The following MYH13 variants were observed in gnomAD, a reference collection of about 807,000 sequenced individuals.
MYH13 encodes myosin-13.
Under a neutral mutation model 232.1 loss-of-function variants are expected in MYH13, and 177 were observed. That is an observed-to-expected ratio of 0.76 (90% CI 0.67 to 0.86). The LOEUF (loss-of-function observed/expected upper bound fraction) is 0.86. Among genes scored for constraint, MYH13 ranks in the 40% least tolerant of loss-of-function variants. The pLI is 0.00. For missense variants in MYH13, 2,246 were observed against 2,405.9 expected, an observed-to-expected ratio of 0.93 and a Z score of 1.39; for synonymous variants, 884 against 923.5, an observed-to-expected ratio of 0.96 and a Z score of 0.78.
intron 13 of MYH13, among the ~76,000 whole-genome samples, chr17:10,345,991 C>CAAAAAAAAAA (rs1211414796): frequency 7.2e-5 from 6 of 83,052 alleles, no homozygotes; most frequent in Non-Finnish European, 1.2e-4. Flanking sequence ...GACTCTGTCT[C>CAAAAAAAAAA]AAAAAAAAAA....
intron 16 of MYH13, among the ~76,000 whole-genome samples, chr17:10,343,046 C>T (rs2071630698): frequency 6.8e-6 from 1 of 146,522 alleles, no homozygotes; most frequent in Admixed American, 6.9e-5. Context: ...GCCGAGATTG[C>T]ACCACTGCAC....
Position 10,313,183 on chromosome 17 carries a change from G to C in MYH13, c.4156C>G (p.Arg1386Gly). 1 of 1,614,156 alleles carries C rather than the reference G, an allele frequency of 6.2e-7. No homozygotes were observed. ...RTKYETDAIQ[R>G]TEELEEAKKK... ...TTGGCCTCCTCCAGCTCCTCTGTGC[G>C]CTGAATGGCGTCCGTCTCGTATTTG... Residue 1386 changes from arginine (R) to glycine (G), a missense_variant, in exon 30 of 41, where the codon CGC (arginine) becomes GGC (glycine). Transcript: ENST00000252172.
chr17:10,342,708 T>C (rs1032404987), intron 16 of MYH13, among the ~76,000 whole-genome samples: 1 of 152,062 alleles, frequency 6.6e-6, no homozygotes, highest in African/African-American at 2.4e-5. Context: ...GAGCATCCAG[T>C]ATATAATTCC....
At chr17:10,340,484 C>T (rs1349893722) in intron 16 of MYH13, 83 bp from the exon 17 acceptor site, 29 of 1,039,454 alleles carry the variant, frequency 2.8e-5, no homozygotes, top group East Asian at 9.7e-5. Context: ...TTCCCAGCCC[C>T]GAGTTCTGGT....
rs1055743913 is a variant in MYH13 at position 10,346,269 on chromosome 17, A to C, written c.1263+411T>G. ...TTGAGTATCTCTCCTAAGAATTTGG[A>C]ATAGGGATCAAAAGACACTGGTCTC... is the stretch of plus-strand genomic sequence containing the variant. On this transcript the variant is annotated intron_variant, in intron 13 of 40. Coordinates refer to ENST00000252172, the MANE Select transcript of MYH13 (RefSeq NM_003802.3). Among the ~76,000 whole-genome samples the C allele has an allele frequency of 1.2e-4, 18 of 152,126 alleles. No homozygotes were observed. In the East Asian group the frequency reaches 3.3e-3, roughly 28 times the overall value.
intron 18 of MYH13, among the ~76,000 whole-genome samples, chr17:10,339,164 G>A (rs537501301): frequency 6.6e-6 from 1 of 152,148 alleles, no homozygotes; most frequent in African/African-American, 2.4e-5. Context: ...TGAGCTGGGA[G>A]GCCCGTGTTG....
At chr17:10,357,276 G>T (rs1157490757) in intron 8 of MYH13, among the ~76,000 whole-genome samples, 1 of 152,052 alleles carries the variant, frequency 6.6e-6, no homozygotes, top group Non-Finnish European at 1.5e-5. Flanking sequence ...TCAAATTTTT[G>T]AGCTCTTCTG....
chr17:10,317,009 G>C (rs1356908275), intron 27 of MYH13, among the ~76,000 whole-genome samples: 1 of 152,190 alleles, frequency 6.6e-6, no homozygotes, highest in Non-Finnish European at 1.5e-5. Context: ...GTTGAAACGC[G>C]ATGGCAGCTT....
At chr17:10,351,022 C>A (rs1042649819) in intron 11 of MYH13, among the ~76,000 whole-genome samples, 1 of 151,766 alleles carries the variant, frequency 6.6e-6, no homozygotes, top group African/African-American at 2.4e-5. Flanking sequence ...GAGTTTGAGA[C>A]CATCCTGGCC....
In MYH13 at chr17:10,327,865, C is replaced by T. The variant is rs1907268189; in HGVS notation, c.2691+1G>A. The T allele has an allele frequency of 6.2e-7, 1 of 1,610,970 alleles. No individual in the cohort carries two copies. Among genetic ancestry groups the T allele is most frequent in the Non-Finnish European group, 8.5e-7 (1 of 1,179,224 alleles). ...TGCGTTCTCAAGTAGAAGGTACTTA[C>T]AGACTGGACCTGCAATTGGAGGTCA... On this transcript the variant is annotated splice_donor_variant, in intron 22 of 40. Transcript: ENST00000252172. LOFTEE classifies it high-confidence loss of function.
intron 2 of MYH13, among the ~76,000 whole-genome samples, chr17:10,365,677 C>T (rs1219551639): frequency 6.6e-6 from 1 of 152,154 alleles, no homozygotes; most frequent in Non-Finnish European, 1.5e-5. Flanking sequence ...GGGATCAGCA[C>T]CTGCTTTTTA....
intron 18 of MYH13, among the ~76,000 whole-genome samples, chr17:10,336,984 C>T (rs562619196): frequency 4.6e-5 from 7 of 150,732 alleles, no homozygotes; most frequent in African/African-American, 1.5e-4. Flanking sequence ...GTGGTGCAGT[C>T]TCGGCTCACT....
At position 10,362,236 on chromosome 17, in the gene MYH13, G is replaced by A. The variant is rs2071799593; in HGVS notation, c.387C>T (p.Tyr129=). Residue 129 remains tyrosine (Y), a synonymous_variant, in exon 5 of 41, where the codon TAC becomes TAT. Transcript: ENST00000252172. ...SGLFCVTVNP[Y]KWLPVYKPEV... The stretch of plus-strand genomic sequence containing the variant: ...CGGGCTTGTACACCGGCAGCCACTT[G>A]TAGGGGTTGACGGTGACACAGAAGA... The A allele has an allele frequency of 1.9e-6, 3 of 1,613,728 alleles. No homozygotes were observed. Among genetic ancestry groups the A allele is most frequent in the African/African-American group, 2.7e-5 (2 of 74,918 alleles).
intron 35 of MYH13, among the ~76,000 whole-genome samples, chr17:10,308,614 A>G (rs1427518483): frequency 1.3e-5 from 2 of 152,054 alleles, no homozygotes; most frequent in Non-Finnish European, 2.9e-5. Flanking sequence ...TGTTAATAAT[A>G]TGCTTGACTT....
chr17:10,344,131 C>G (rs1470374087), intron 15 of MYH13, 22 bp from the exon 16 acceptor site: 6 of 1,612,522 alleles, frequency 3.7e-6, no homozygotes, highest in Non-Finnish European at 5.1e-6. Context: ...ATAACAGAGT[C>G]TACATATAAT....
chr17:10,345,052 A>G, intron 15 of MYH13, 150 bp downstream of exon 15: 1 of 1,252,052 alleles, frequency 8.0e-7, no homozygotes, highest in South Asian at 1.5e-5. Context: ...TAGGACATTC[A>G]TTCTCTTTGC....
intron 18 of MYH13, among the ~76,000 whole-genome samples, chr17:10,335,105 G>T (rs1284980735): frequency 6.6e-6 from 1 of 152,086 alleles, no homozygotes; most frequent in Non-Finnish European, 1.5e-5. Context: ...TGAGCATCCC[G>T]ATTCAGAAAA....
chr17:10,364,858 G>A, intron 2 of MYH13, among the ~76,000 whole-genome samples: 1 of 151,768 alleles, frequency 6.6e-6, no homozygotes, highest in Admixed American at 6.6e-5. Context: ...CAATAAAAGA[G>A]GCTTCAGGAA....
At chr17:10,333,279 C>A in intron 18 of MYH13, 88 bp from the exon 19 acceptor site, 2 of 903,170 alleles carry the variant, frequency 2.2e-6, no homozygotes, top group Non-Finnish European at 1.7e-6. Flanking sequence ...CCAACACATC[C>A]ACACTTGAGT....
Sources: allele counts gnomAD v4.1 joint callset (sites outside exome capture counted in the v4.1 genomes callset), GRCh38; gene constraint gnomAD v4.1.1; transcripts MANE v1.5; gene names NCBI Gene and HGNC (gene_info 2026-07-23, HGNC 2026-07-21).